The following KIAA0825 variants were observed in gnomAD, a reference collection of about 807,000 sequenced individuals.
KIAA0825 encodes KIAA0825.
KIAA0825 carries 119 observed loss-of-function variants against 147.6 expected under a neutral mutation model. That is an observed-to-expected ratio of 0.81 (90% CI 0.69 to 0.94). The LOEUF is 0.94. Ranked by LOEUF, KIAA0825 falls within the 40% of genes least tolerant of loss-of-function variation. KIAA0825 has a pLI of 0.00. For missense variants in KIAA0825, 1,381 were observed against 1,472.7 expected, an observed-to-expected ratio of 0.94 and a Z score of 1.02; for synonymous variants, 470 against 518.1, an observed-to-expected ratio of 0.91 and a Z score of 1.26.
chr5:94,428,140 TTGTTG>T (rs1755140067), intron 14 of KIAA0825, among the ~76,000 whole-genome samples: 2 of 140,378 alleles, frequency 1.4e-5, no homozygotes, highest in South Asian at 2.4e-4. Flanking sequence ...GGATAAGGTC[TTGTTG>T]TGTGTGTGTG....
At chr5:94,586,292 G>T (rs1031905228) in intron 1 of KIAA0825, among the ~76,000 whole-genome samples, 1 of 152,096 alleles carries the variant, frequency 6.6e-6, no homozygotes, top group Non-Finnish European at 1.5e-5. Context: ...TAGACCACTA[G>T]CCAGACTAAT....
intron 1 of KIAA0825, among the ~76,000 whole-genome samples, chr5:94,607,691 T>G (rs1787750995): frequency 6.6e-6 from 1 of 152,102 alleles, no homozygotes; most frequent in African/African-American, 2.4e-5. Flanking sequence ...CACCACAAAT[T>G]TATCGGCATA....
At chr5:94,518,686 TTAA>T (rs955860607) in intron 5 of KIAA0825, among the ~76,000 whole-genome samples, 2 of 152,126 alleles carry the variant, frequency 1.3e-5, no homozygotes, top group Non-Finnish European at 2.9e-5. Flanking sequence ...CAGTGCTCAC[TTAA>T]TAATTGTTTC....
intron 5 of KIAA0825, among the ~76,000 whole-genome samples, chr5:94,486,643 T>A (rs1168741755): frequency 6.6e-6 from 1 of 152,154 alleles, no homozygotes; most frequent in Non-Finnish European, 1.5e-5. Flanking sequence ...TCTACTGTTC[T>A]TCTATGGGCA....
intron 5 of KIAA0825, among the ~76,000 whole-genome samples, chr5:94,517,510 G>A (rs1767450493): frequency 6.6e-6 from 1 of 151,990 alleles, no homozygotes; most frequent in South Asian, 2.1e-4. Context: ...AAAATCAGAA[G>A]CAACTAAAGA....
intron 5 of KIAA0825, among the ~76,000 whole-genome samples, chr5:94,504,123 C>T (rs1437584397): frequency 6.6e-6 from 1 of 152,108 alleles, no homozygotes; most frequent in Non-Finnish European, 1.5e-5. Flanking sequence ...TTAAATAAGG[C>T]CTTTATTGAC....
intron 15 of KIAA0825, chr5:94,415,381 T>C (rs537818804): frequency 3.3e-5 from 5 of 152,324 alleles, no homozygotes; most frequent in African/African-American, 1.2e-4. Flanking sequence ...GCTGTATTAC[T>C]TGTAACAATG....
At position 94,328,146 on chromosome 5, in the gene KIAA0825, T is replaced by C. The variant is rs563972688; in HGVS notation, c.3710+56222A>G. On this transcript the variant is annotated intron_variant, in intron 20 of 20. Transcript: ENST00000682413. ...AATAGAGTCACCTCTTCTGACACAG[T>C]AACAAAATTTGTTGTATTAAGCATA... 1.7e-3 allele frequency among the ~76,000 whole-genome samples: 256 copies of C among 152,318 alleles called. 1 individual carries two copies. Among genetic ancestry groups the C allele is most frequent in the Non-Finnish European group, 2.7e-3 (186 of 68,020 alleles).
intron 1 of KIAA0825, among the ~76,000 whole-genome samples, chr5:94,597,568 A>G (rs1289901398): frequency 6.6e-6 from 1 of 152,230 alleles, no homozygotes; most frequent in African/African-American, 2.4e-5. Flanking sequence ...AAACCTTTCC[A>G]AGACATTCTA....
chr5:94,199,531 G>T (rs1380215313), intron 20 of KIAA0825, among the ~76,000 whole-genome samples: 1 of 152,126 alleles, frequency 6.6e-6, no homozygotes, highest in Non-Finnish European at 1.5e-5. Flanking sequence ...GCAGCTGAGG[G>T]TAACTGCATA....
At chr5:94,473,601 CT>C in intron 7 of KIAA0825, 82 bp from the exon 8 acceptor site, 2 of 876,194 alleles carry the variant, frequency 2.3e-6, no homozygotes, top group Non-Finnish European at 3.5e-6. Flanking sequence ...AAAATTATTA[CT>C]TTCATTCAAC....
At chr5:94,162,038 G>C (rs1296064414) in intron 20 of KIAA0825, among the ~76,000 whole-genome samples, 1 of 152,150 alleles carries the variant, frequency 6.6e-6, no homozygotes, top group Non-Finnish European at 1.5e-5. Context: ...AGGAAGAGTG[G>C]ATTCTTCTGT....
rs1321677874 is a variant in KIAA0825, at chr5:94,605,636, AC to A, written c.-153+12863del. 3.3e-5 allele frequency among the ~76,000 whole-genome samples: 5 copies of A among 152,322 alleles called. No homozygotes were observed. The South Asian group carries it at 6.2e-4, about 19-fold the overall frequency. ...ATACTCAACTCAATAAATGTGATTC[AC>A]CAAATAAACAGATGTAAAGACAAAA... On this transcript the variant is annotated intron_variant, in intron 1 of 20. Coordinates refer to ENST00000682413, the MANE Select transcript of KIAA0825 (RefSeq NM_001145678.3).
chr5:94,599,943 C>G (rs556710956), intron 1 of KIAA0825, among the ~76,000 whole-genome samples: 6 of 151,028 alleles, frequency 4.0e-5, no homozygotes, highest in East Asian at 3.9e-4. Flanking sequence ...TCCACCCCCC[C>G]AAAAAAAAGG....
intron 20 of KIAA0825, among the ~76,000 whole-genome samples, chr5:94,366,118 C>T (rs988144943): frequency 6.6e-6 from 1 of 152,172 alleles, no homozygotes; most frequent in Non-Finnish European, 1.5e-5. Flanking sequence ...ACCAAATTAT[C>T]CTTAAAAACT....
At chr5:94,158,683 G>A (rs1310075860) in intron 20 of KIAA0825, among the ~76,000 whole-genome samples, 1 of 152,104 alleles carries the variant, frequency 6.6e-6, no homozygotes, top group Non-Finnish European at 1.5e-5. Flanking sequence ...AATACTATTT[G>A]CTGCAGAATG....
At chr5:94,516,062 CA>C (rs2151187495) in intron 5 of KIAA0825, among the ~76,000 whole-genome samples, 1 of 151,938 alleles carries the variant, frequency 6.6e-6, no homozygotes, top group African/African-American at 2.4e-5. Flanking sequence ...CTCTAAGAAA[CA>C]AAACATTCAA....
chr5:94,439,931 C>T (rs1297999174), intron 14 of KIAA0825, 51 bp downstream of exon 14: 3 of 1,511,402 alleles, frequency 2.0e-6, no homozygotes, highest in East Asian at 2.5e-5. Context: ...TTATTCAACT[C>T]GAGCAATGAC....
At chr5:94,238,535 T>C (rs1361420059) in intron 20 of KIAA0825, among the ~76,000 whole-genome samples, 8 of 152,198 alleles carry the variant, frequency 5.3e-5, no homozygotes, top group African/African-American at 1.9e-4. Flanking sequence ...TATGTTCACT[T>C]ATGTTTTTCT....
Sources: gnomAD v4.1 joint callset for allele counts (sites outside exome capture counted in the v4.1 genomes callset) on GRCh38, gnomAD v4.1.1 for gene constraint, MANE v1.5 for transcripts, NCBI Gene and HGNC (gene_info 2026-07-23, HGNC 2026-07-21) for gene names.